The following ZMAT4 variants were observed in gnomAD, a reference collection of about 807,000 sequenced individuals.
The protein encoded by ZMAT4 is zinc finger matrin-type protein 4.
A neutral mutation model predicts 28.7 loss-of-function variants in ZMAT4; 17 were observed. The ratio of observed to expected loss-of-function variants is 0.59; its 90% confidence interval spans 0.41 to 0.89. The LOEUF is 0.89. ZMAT4 is among the 40% of genes least tolerant of loss of function. The pLI is 0.00. For synonymous variants in ZMAT4, 117 were observed against 109.2 expected, an observed-to-expected ratio of 1.07 and a Z score of -0.44; for missense variants, 240 against 283.8, an observed-to-expected ratio of 0.85 and a Z score of 1.11.
chr8:40,795,434 A>G lies in ZMAT4; in HGVS notation c.103-27704T>C, dbSNP rs150251174. Among the ~76,000 whole-genome samples, 233 of 152,328 alleles carry G rather than the reference A, an allele frequency of 1.5e-3. 1 individual carries two copies. Among genetic ancestry groups the G allele is most frequent in the African/African-American group, 5.2e-3 (215 of 41,576 alleles). ...TCACCAGACCATGAGACTGTTTTTT[A>G]GTGCAATTTCTGGCCAACATAGTTA... is the stretch of plus-strand genomic sequence containing the variant. On this transcript the variant is annotated intron_variant, in intron 2 of 6. Coordinates refer to ENST00000297737, the MANE Select transcript of ZMAT4 (RefSeq NM_024645.3).
Position 40,694,073 on chromosome 8 carries a change from TC to T in ZMAT4, c.349+3171del, listed in dbSNP as rs143927643. 3.6e-3 allele frequency among the ~76,000 whole-genome samples: 544 copies of T among 152,322 alleles called. 1 individual carries two copies. The highest frequency in any genetic ancestry group is 0.012 in the African/African-American group (507 of 41,564). ...TGGATTTTCTGTGTTCCTTTTTTTT[TC>T]CTTTTGTTTTTATTATAGAAGCAAT... is the stretch of plus-strand genomic sequence containing the variant. On this transcript the variant is annotated intron_variant, in intron 4 of 6. Coordinates refer to ENST00000297737, the MANE Select transcript of ZMAT4 (RefSeq NM_024645.3).
chr8:40,662,339 G>C (rs1808238803), intron 5 of ZMAT4, among the ~76,000 whole-genome samples: 1 of 151,896 alleles, frequency 6.6e-6, no homozygotes, highest in Non-Finnish European at 1.5e-5. Context: ...CCCTTTTCTT[G>C]GTCAACATCT....
At chr8:40,799,063 TTGGC>T (rs201231430) in intron 2 of ZMAT4, among the ~76,000 whole-genome samples, 1 of 146,154 alleles carries the variant, frequency 6.8e-6, no homozygotes, top group African/African-American at 2.6e-5. Flanking sequence ...GGCTGGCTGG[TTGGC>T]TGGCTGGCTG....
At chr8:40,672,914 C>A (rs1360857191) in intron 5 of ZMAT4, among the ~76,000 whole-genome samples, 1 of 152,176 alleles carries the variant, frequency 6.6e-6, no homozygotes, top group Non-Finnish European at 1.5e-5. Context: ...TGAGCTTATC[C>A]AACATACTGA....
At chr8:40,709,750 G>A (rs910182003) in intron 3 of ZMAT4, among the ~76,000 whole-genome samples, 1 of 152,090 alleles carries the variant, frequency 6.6e-6, no homozygotes, top group Non-Finnish European at 1.5e-5. Flanking sequence ...AGAATTGGTG[G>A]TAGTTGAGCC....
intron 3 of ZMAT4, among the ~76,000 whole-genome samples, chr8:40,761,645 C>A (rs890605223): frequency 5.3e-5 from 8 of 152,316 alleles, no homozygotes; most frequent in African/African-American, 1.9e-4. Flanking sequence ...CTCCATATTT[C>A]ATTTTTTTCT....
chr8:40,710,413 C>T (rs989263383), intron 3 of ZMAT4, among the ~76,000 whole-genome samples: 12 of 152,010 alleles, frequency 7.9e-5, no homozygotes, highest in East Asian at 1.9e-4. Context: ...GGCATACAGG[C>T]GAGTATCAAA....
chr8:40,744,857 A>G (rs1212354341), intron 3 of ZMAT4, among the ~76,000 whole-genome samples: 2 of 152,232 alleles, frequency 1.3e-5, no homozygotes, highest in Non-Finnish European at 2.9e-5. Flanking sequence ...CAGCCCTTAG[A>G]AGGACAATAG....
intron 3 of ZMAT4, among the ~76,000 whole-genome samples, chr8:40,710,113 A>G (rs1810540472): frequency 6.6e-6 from 1 of 151,988 alleles, no homozygotes; most frequent in South Asian, 2.1e-4. Context: ...GATATAATTA[A>G]GATAAATAGA....
chr8:40,611,665 C>T (rs1259842598), intron 5 of ZMAT4, among the ~76,000 whole-genome samples: 1 of 152,148 alleles, frequency 6.6e-6, no homozygotes. Flanking sequence ...AATTTATTGT[C>T]TGGTGCATGT....
At chr8:40,720,236 G>A (rs1811021733) in intron 3 of ZMAT4, among the ~76,000 whole-genome samples, 1 of 152,128 alleles carries the variant, frequency 6.6e-6, no homozygotes. Flanking sequence ...TGTCACTATT[G>A]ATCTTATTAA....
chr8:40,652,396 G>C (rs1309327675), intron 5 of ZMAT4, among the ~76,000 whole-genome samples: 3 of 122,442 alleles, frequency 2.5e-5, no homozygotes, highest in Admixed American at 8.9e-5. Flanking sequence ...CCATCTCACA[G>C]CAGTTAGAAT....
chr8:40,601,582 GAA>G (rs1297701417), intron 5 of ZMAT4, among the ~76,000 whole-genome samples: 1 of 7,224 alleles, frequency 1.4e-4, no homozygotes, highest in East Asian at 6.7e-3. Context: ...AAGAAAGAAA[GAA>G]AGAAAGAAAG....
At chr8:40,604,393 C>T (rs1805509480) in intron 5 of ZMAT4, among the ~76,000 whole-genome samples, 1 of 152,128 alleles carries the variant, frequency 6.6e-6, no homozygotes, top group African/African-American at 2.4e-5. Flanking sequence ...AGGTATGTCC[C>T]TTCTATGCTG....
chr8:40,743,909 C>T (rs1039346610), intron 3 of ZMAT4, among the ~76,000 whole-genome samples: 2 of 152,068 alleles, frequency 1.3e-5, no homozygotes, highest in Non-Finnish European at 2.9e-5. Context: ...TGAGCAGATC[C>T]GTGAGTGAGG....
intron 4 of ZMAT4, chr8:40,696,917 C>T (rs28549912): frequency 0.37 from 68,743 of 186,360 alleles, 13,132 homozygotes; most frequent in Non-Finnish European, 0.41. Context: ...TAATTGCAGA[C>T]GGAATCTAGA....
chr8:40,661,723 A>T (rs566646401), intron 5 of ZMAT4, among the ~76,000 whole-genome samples: 1 of 152,370 alleles, frequency 6.6e-6, no homozygotes, highest in East Asian at 1.9e-4. Flanking sequence ...GCCACAAAAA[A>T]GCCCACAGCT....
chr8:40,812,914 C>A (rs1815379540), intron 2 of ZMAT4, among the ~76,000 whole-genome samples: 1 of 148,638 alleles, frequency 6.7e-6, no homozygotes, highest in South Asian at 2.1e-4. Flanking sequence ...GCCTGGGCGA[C>A]AAGAGCAAAA....
intron 1 of ZMAT4, among the ~76,000 whole-genome samples, chr8:40,827,995 A>C (rs533330198): frequency 6.6e-6 from 1 of 152,208 alleles, no homozygotes; most frequent in Admixed American, 6.5e-5. Flanking sequence ...ATCTACTTCC[A>C]AGTCCTACCC....
Sources: gnomAD v4.1 joint callset for allele counts (sites outside exome capture counted in the v4.1 genomes callset) on GRCh38, gnomAD v4.1.1 for gene constraint, MANE v1.5 for transcripts, NCBI Gene and HGNC (gene_info 2026-07-23, HGNC 2026-07-21) for gene names.